Variants in GRIN2A observed in about 807,000 individuals in gnomAD.
GRIN2A encodes glutamate ionotropic receptor NMDA type subunit 2A.
In GRIN2A, 22 loss-of-function variants were observed where a neutral mutation model predicts 113.4. The observed-to-expected ratio is 0.19, with a 90% confidence interval of 0.14 to 0.28. The LOEUF (loss-of-function observed/expected upper bound fraction) is 0.28, where lower values mean the gene tolerates loss of function less well. GRIN2A is among the 10% of genes least tolerant of loss of function. GRIN2A has a pLI of 1.00. For synonymous variants in GRIN2A, 827 were observed against 738.4 expected, an observed-to-expected ratio of 1.12 and a Z score of -1.94; for missense variants, 1,502 against 1,887.0, an observed-to-expected ratio of 0.80 and a Z score of 3.78.
chr16:10,133,051 C>T (rs1399102152), intron 2 of GRIN2A, among the ~76,000 whole-genome samples: 3 of 152,176 alleles, frequency 2.0e-5, no homozygotes, highest in Non-Finnish European at 4.4e-5. Flanking sequence ...ATGCCCGCCT[C>T]TTATAAGTAC....
At chr16:10,067,528 T>C (rs2047672468) in intron 2 of GRIN2A, among the ~76,000 whole-genome samples, 1 of 152,144 alleles carries the variant, frequency 6.6e-6, no homozygotes, top group African/African-American at 2.4e-5. Flanking sequence ...AACACAAATG[T>C]GTATTGCAAC....
intron 11 of GRIN2A, among the ~76,000 whole-genome samples, chr16:9,787,690 C>A (rs1194259556): frequency 1.3e-5 from 2 of 152,190 alleles, no homozygotes; most frequent in Non-Finnish European, 2.9e-5. Context: ...TGTAGTTATC[C>A]TTCTCGTGTT....
intron 5 of GRIN2A, among the ~76,000 whole-genome samples, chr16:9,848,805 T>G (rs1214982658): frequency 5.2e-5 from 5 of 95,648 alleles, no homozygotes; most frequent in African/African-American, 2.6e-4. Flanking sequence ...ATACACTGTT[T>G]TATATATTTA....
intron 2 of GRIN2A, among the ~76,000 whole-genome samples, chr16:10,125,230 A>G (rs936679077): frequency 1.3e-5 from 2 of 152,220 alleles, no homozygotes; most frequent in Admixed American, 6.5e-5. Context: ...GACGCCTTCT[A>G]CTTCTTACTA....
intron 2 of GRIN2A, among the ~76,000 whole-genome samples, chr16:10,122,543 T>C (rs2048855302): frequency 1.3e-5 from 2 of 152,138 alleles, no homozygotes; most frequent in Admixed American, 1.3e-4. Flanking sequence ...CCCAGAAAGT[T>C]TCGCTTTGAT....
At chr16:9,878,007 C>T (rs961648485) in intron 4 of GRIN2A, among the ~76,000 whole-genome samples, 3 of 151,790 alleles carry the variant, frequency 2.0e-5, no homozygotes, top group Non-Finnish European at 4.4e-5. Flanking sequence ...AGAAATACTT[C>T]TGACTGAGAG....
chr16:9,892,354 G>C (rs937714143), intron 3 of GRIN2A, among the ~76,000 whole-genome samples: 1 of 152,180 alleles, frequency 6.6e-6, no homozygotes, highest in South Asian at 2.1e-4. Context: ...ACCAGAGCGG[G>C]TACAGAGGGA....
At chr16:9,891,230 C>G in intron 3 of GRIN2A, 130 bp from the exon 4 acceptor site, 1 of 694,944 alleles carries the variant, frequency 1.4e-6, no homozygotes, top group Non-Finnish European at 2.6e-6. Context: ...TCACAAGAAG[C>G]CTCTCTGCAG....
chr16:9,847,518 T>C (rs1487750193), intron 5 of GRIN2A, among the ~76,000 whole-genome samples: 1 of 151,990 alleles, frequency 6.6e-6, no homozygotes, highest in Non-Finnish European at 1.5e-5. Flanking sequence ...TGAGCCGTGA[T>C]CACACCACTG....
At chr16:10,099,588 G>T (rs1223375084) in intron 2 of GRIN2A, among the ~76,000 whole-genome samples, 1 of 152,136 alleles carries the variant, frequency 6.6e-6, no homozygotes, top group African/African-American at 2.4e-5. Flanking sequence ...CTGAGAGTAG[G>T]ACGGGTCAGA....
chr16:10,096,539 A>AACAGACACACACACAC (rs1555478917), intron 2 of GRIN2A, among the ~76,000 whole-genome samples: 5 of 137,670 alleles, frequency 3.6e-5, no homozygotes, highest in African/African-American at 1.4e-4. Context: ...ATTGTGGTAA[A>AACAGACACACACACAC]ACACACACAC....
At chr16:10,109,865 C>A (rs1596515676) in intron 2 of GRIN2A, among the ~76,000 whole-genome samples, 1 of 151,680 alleles carries the variant, frequency 6.6e-6, no homozygotes, top group Non-Finnish European at 1.5e-5. Context: ...AATATATACA[C>A]CTACTATGTA....
intron 3 of GRIN2A, among the ~76,000 whole-genome samples, chr16:9,924,509 G>A (rs2044419243): frequency 6.6e-6 from 1 of 152,112 alleles, no homozygotes; most frequent in Non-Finnish European, 1.5e-5. Flanking sequence ...CTTTAAAACT[G>A]ATTTTGAGAA....
intron 2 of GRIN2A, among the ~76,000 whole-genome samples, chr16:10,085,922 C>T (rs2048077890): frequency 6.6e-6 from 1 of 152,096 alleles, no homozygotes; most frequent in South Asian, 2.1e-4. Context: ...TGCGCTTAAC[C>T]ACAACACTAG....
chr16:10,010,559 G>A (rs762692254), intron 2 of GRIN2A, among the ~76,000 whole-genome samples: 3 of 152,182 alleles, frequency 2.0e-5, no homozygotes, highest in Non-Finnish European at 4.4e-5. Flanking sequence ...ATAAGATCAT[G>A]TATAGGAACT....
At chr16:9,995,466 G>A (rs1596400079) in intron 2 of GRIN2A, among the ~76,000 whole-genome samples, 1 of 152,204 alleles carries the variant, frequency 6.6e-6, no homozygotes, top group Non-Finnish European at 1.5e-5. Context: ...CGTTGGTGGT[G>A]GTGGTGGTGT....
At chr16:9,879,045 G>A (rs893114875) in intron 4 of GRIN2A, among the ~76,000 whole-genome samples, 2 of 152,138 alleles carry the variant, frequency 1.3e-5, no homozygotes, top group African/African-American at 4.8e-5. Flanking sequence ...GAAGTCAGAT[G>A]ATTATTTTAT....
At chr16:9,933,426 A>C (rs2044644105) in intron 3 of GRIN2A, among the ~76,000 whole-genome samples, 1 of 152,178 alleles carries the variant, frequency 6.6e-6, no homozygotes, top group Admixed American at 6.5e-5. Flanking sequence ...GTTCTCAACC[A>C]GTCAAATCTG....
At chr16:9,978,836 C>A (rs534042875) in intron 2 of GRIN2A, among the ~76,000 whole-genome samples, 1 of 152,280 alleles carries the variant, frequency 6.6e-6, no homozygotes, top group Admixed American at 6.5e-5. Flanking sequence ...TAACGTGGCA[C>A]GGGCTTCTCG....
Sources: allele counts gnomAD v4.1 joint callset (sites outside exome capture counted in the v4.1 genomes callset), GRCh38; gene constraint gnomAD v4.1.1; transcripts MANE v1.5; gene names NCBI Gene and HGNC (gene_info 2026-07-23, HGNC 2026-07-21).